The following SHISA5 variants were observed in gnomAD, a reference collection of about 807,000 sequenced individuals.
SHISA5 encodes shisa family member 5.
SHISA5 carries 21 observed loss-of-function variants against 27.5 expected under a neutral mutation model. That is an observed-to-expected ratio of 0.76 (90% CI 0.54 to 1.10). The LOEUF (loss-of-function observed/expected upper bound fraction) is 1.10, where lower values mean the gene tolerates loss of function less well. Among genes scored for constraint, SHISA5 ranks in the 50% least tolerant of loss-of-function variants. The pLI is 0.00. For missense variants in SHISA5, 314 were observed against 336.3 expected, an observed-to-expected ratio of 0.93 and a Z score of 0.52; for synonymous variants, 137 against 142.2, an observed-to-expected ratio of 0.96 and a Z score of 0.26.
chr3:48,475,391 C>T (rs781304283), intron 3 of SHISA5, among the ~76,000 whole-genome samples: 4 of 152,086 alleles, frequency 2.6e-5, no homozygotes, highest in Non-Finnish European at 5.9e-5. Context: ...GGGGCAGCCA[C>T]CCCGGCAGGG....
chr3:48,479,133 CA>C, intron 3 of SHISA5, 43 bp downstream of exon 3: 1 of 1,555,466 alleles, frequency 6.4e-7, no homozygotes, highest in Middle Eastern at 1.9e-4. Context: ...GCCCTCTTGT[CA>C]CCTTTGCCAG....
At chr3:48,476,640 TGA>T (rs1322135126) in intron 3 of SHISA5, among the ~76,000 whole-genome samples, 2 of 152,192 alleles carry the variant, frequency 1.3e-5, no homozygotes, top group Non-Finnish European at 2.9e-5. Flanking sequence ...GGCAGCCACC[TGA>T]GAGAGTTCAA....
At chr3:48,498,807 C>T (rs1213541348) in intron 2 of SHISA5, among the ~76,000 whole-genome samples, 3 of 150,878 alleles carry the variant, frequency 2.0e-5, no homozygotes, top group East Asian at 2.0e-4. Flanking sequence ...TGCATACGGG[C>T]GCGGTGGCTC....
At chr3:48,496,144 T>TAAA (rs2041540851) in intron 2 of SHISA5, among the ~76,000 whole-genome samples, 1 of 139,972 alleles carries the variant, frequency 7.1e-6, no homozygotes, top group Non-Finnish European at 1.5e-5. Context: ...ATGCAAAGAT[T>TAAA]AGCTGGGCAT....
At chr3:48,497,024 G>A (rs556661883) in intron 2 of SHISA5, among the ~76,000 whole-genome samples, 158 of 151,844 alleles carry the variant, frequency 1.0e-3, no homozygotes, top group African/African-American at 3.5e-3. Context: ...GAGGCCAAGA[G>A]TTTGAGACCA....
At chr3:48,497,011 C>T (rs2041573765) in intron 2 of SHISA5, among the ~76,000 whole-genome samples, 1 of 151,776 alleles carries the variant, frequency 6.6e-6, no homozygotes, top group Non-Finnish European at 1.5e-5. Context: ...GGGTGGATCA[C>T]CTGAGGCCAA....
chr3:48,503,425 T>A (rs2041811754), intron 1 of SHISA5, among the ~76,000 whole-genome samples: 1 of 151,814 alleles, frequency 6.6e-6, no homozygotes, highest in Non-Finnish European at 1.5e-5. Context: ...CCCAAAAGGG[T>A]CTTTGGCTTC....
chr3:48,469,330 G>A lies in SHISA5; in HGVS notation c.643+31C>T, dbSNP rs553020821. 27 of 1,569,770 alleles carry A rather than the reference G, an allele frequency of 1.7e-5. No homozygotes were observed. The African/African-American group carries it at 1.8e-4, about 10-fold the overall frequency. On this transcript the variant is annotated intron_variant, in intron 5 of 5. Coordinates refer to ENST00000296444, the MANE Select transcript of SHISA5 (RefSeq NM_016479.6). This position sits in a 1 kb window ranked among gnomAD's most constrained non-coding sequence, Gnocchi z 4.6. ...GATGCTGGCAGAGACTCGGGAAGTC[G>A]GGCAGGGCTAGAGTTGGCAGGGGCA... is the stretch of plus-strand genomic sequence containing the variant.
Position 48,473,155 on chromosome 3 carries a change from G to A in SHISA5, c.315-3312C>T. ...CTCCAGATGACGTCAGCCACAGGAA[G>A]CACAGACGCGAAGCCCCGTTCCACC... On this transcript the variant is annotated intron_variant, in intron 3 of 5. Transcript: ENST00000296444. The surrounding 1 kb of genome is among the most constrained non-coding windows in gnomAD (Gnocchi z 4.3). The A allele has an allele frequency of 6.9e-7, 1 of 1,449,198 alleles. No homozygotes were observed. Among genetic ancestry groups the A allele is most frequent in the Non-Finnish European group, 9.1e-7 (1 of 1,104,210 alleles). 89.8% of individuals were successfully genotyped at this position (1,449,198 alleles called of 1,614,324 possible).
intron 2 of SHISA5, among the ~76,000 whole-genome samples, chr3:48,491,681 C>G (rs2041431576): frequency 6.6e-6 from 1 of 152,052 alleles, no homozygotes; most frequent in African/African-American, 2.4e-5. Flanking sequence ...AAGGGTCTCA[C>G]TCTGTCCCAG....
chr3:48,495,106 C>G (rs2041509165), intron 2 of SHISA5, among the ~76,000 whole-genome samples: 1 of 146,834 alleles, frequency 6.8e-6, no homozygotes, highest in African/African-American at 2.7e-5. Flanking sequence ...TCCACCTAGC[C>G]TATATCTCAA....
At chr3:48,483,233 C>T (rs570872613) in intron 2 of SHISA5, among the ~76,000 whole-genome samples, 4 of 152,154 alleles carry the variant, frequency 2.6e-5, no homozygotes, top group East Asian at 1.9e-4. Context: ...GAGGACCCTG[C>T]GGCCTTCAGC....
intron 3 of SHISA5, among the ~76,000 whole-genome samples, chr3:48,471,874 C>T (rs2040639272): frequency 6.6e-6 from 1 of 151,676 alleles, no homozygotes; most frequent in African/African-American, 2.4e-5. Context: ...AGCGAAACTC[C>T]ATCTCAAAAA....
Position 48,469,132 on chromosome 3 carries a change from A to G in SHISA5, c.698T>C (p.Met233Thr), listed in dbSNP as rs1223513848. The change falls in exon 6 of 6, where the codon ATG becomes ACG. Residue 233 changes from methionine to threonine, a missense_variant. Coordinates refer to ENST00000296444, the MANE Select transcript of SHISA5 (RefSeq NM_016479.6). The surrounding 1 kb of genome is among the most constrained non-coding windows in gnomAD (Gnocchi z 4.6). ...ASQPPYNPAY[M>T]DAPKAAL ...TCAGAGGGCCGCCTTCGGGGCATCC[A>G]TGTAGGCCGGGTTGTAAGGAGGCTG... 1.2e-6 allele frequency: 2 copies of G among 1,613,108 alleles called. No homozygotes were observed. Among genetic ancestry groups the G allele is most frequent in the South Asian group, 1.1e-5 (1 of 91,090 alleles).
intron 1 of SHISA5, among the ~76,000 whole-genome samples, chr3:48,503,421 A>C (rs1323292427): frequency 1.3e-5 from 2 of 152,148 alleles, no homozygotes; most frequent in African/African-American, 4.8e-5. Context: ...CCACCCCAAA[A>C]GGGTCTTTGG....
intron 1 of SHISA5, among the ~76,000 whole-genome samples, chr3:48,501,801 C>T (rs1035947372): frequency 1.3e-5 from 2 of 151,908 alleles, no homozygotes; most frequent in Admixed American, 6.6e-5. Context: ...GCTGCCCAGG[C>T]GAGAAGTCAC....
intron 3 of SHISA5, among the ~76,000 whole-genome samples, chr3:48,471,298 C>T (rs374674222): frequency 6.6e-6 from 1 of 152,000 alleles, no homozygotes; most frequent in East Asian, 1.9e-4. Context: ...AAAACTGTCT[C>T]GTGGCCAGGG....
intron 2 of SHISA5, among the ~76,000 whole-genome samples, chr3:48,496,733 C>CA (rs1303110775): frequency 7.2e-4 from 75 of 103,454 alleles, no homozygotes; most frequent in African/African-American, 1.2e-3. Context: ...GACTTCGTCT[C>CA]AAAAAAAAAA....
At chr3:48,497,266 T>G (rs1420279912) in intron 2 of SHISA5, among the ~76,000 whole-genome samples, 3 of 146,644 alleles carry the variant, frequency 2.0e-5, no homozygotes, top group Non-Finnish European at 4.5e-5. Flanking sequence ...GAACAAGTTT[T>G]TTTTTTTTTT....
Sources: gnomAD v4.1 joint callset for allele counts (sites outside exome capture counted in the v4.1 genomes callset) on GRCh38, gnomAD v4.1.1 for gene constraint, Gnocchi (gnomAD v3.1) non-coding constraint, MANE v1.5 for transcripts, NCBI Gene and HGNC (gene_info 2026-07-23, HGNC 2026-07-21) for gene names.